PIK3C2B: variants seen among roughly 807,000 people sequenced by gnomAD.
The protein encoded by PIK3C2B is phosphatidylinositol-4-phosphate 3-kinase catalytic subunit type 2 beta.
Under a neutral mutation model 184.3 loss-of-function variants are expected in PIK3C2B, and 83 were observed. That is an observed-to-expected ratio of 0.45 (90% CI 0.38 to 0.54). The LOEUF is 0.54. Among genes scored for constraint, PIK3C2B ranks in the 20% least tolerant of loss-of-function variants. The probability of loss-of-function intolerance (pLI) is 0.00; values close to 1 mark genes in which losing one functional copy is unlikely to be tolerated. For synonymous variants in PIK3C2B, 779 were observed against 837.6 expected, an observed-to-expected ratio of 0.93 and a Z score of 1.21; for missense variants, 1,736 against 2,113.5, an observed-to-expected ratio of 0.82 and a Z score of 3.50.
rs772431109 is a variant in PIK3C2B at position 204,433,445 on chromosome 1, G to C, written c.3844-20C>G. The C allele has an allele frequency of 2.1e-6, 3 of 1,418,612 alleles. No individual in the cohort carries two copies. In the Admixed American group the frequency reaches 5.1e-5, roughly 24 times the overall value. The allele number at this position is 1,418,612 out of a possible 1,614,324, so 87.9% of individuals were successfully genotyped here. A position where few individuals can be genotyped will look rare whatever the true frequency, so the allele number is the denominator to read the frequency against. On this transcript the variant is annotated intron_variant, in intron 25 of 32. Coordinates refer to ENST00000684373, the MANE Select transcript of PIK3C2B (RefSeq NM_001377334.1). This position sits in a 1 kb window ranked among gnomAD's most constrained non-coding sequence, Gnocchi z 5.0. ...CAACATCTAGAAGGAGCAGAAAGAA[G>C]AAGAGAGGGTGCCTGTAACAACAGA...
At chr1:204,493,792 G>A (rs1402435223) in intron 1 of PIK3C2B, among the ~76,000 whole-genome samples, 1 of 152,086 alleles carries the variant, frequency 6.6e-6, no homozygotes, top group Non-Finnish European at 1.5e-5. Flanking sequence ...TCCCAGCACC[G>A]GCGAACTCAG....
At chr1:204,456,788 C>T (rs543968701) in intron 10 of PIK3C2B, among the ~76,000 whole-genome samples, 1 of 151,772 alleles carries the variant, frequency 6.6e-6, no homozygotes, top group African/African-American at 2.4e-5. Context: ...CCCAGGGACA[C>T]CAGGAGGAAT....
chr1:204,470,587 A>G (rs540762209), intron 1 of PIK3C2B, among the ~76,000 whole-genome samples: 25 of 152,374 alleles, frequency 1.6e-4, no homozygotes, highest in African/African-American at 5.0e-4. Flanking sequence ...ACCACTTTGG[A>G]AAACAGGCAG....
intron 1 of PIK3C2B, among the ~76,000 whole-genome samples, chr1:204,481,775 C>A (rs569135614): frequency 6.6e-6 from 1 of 152,314 alleles, no homozygotes; most frequent in East Asian, 1.9e-4. Context: ...CAAATGCCCC[C>A]AGGCCTTCTG....
chr1:204,430,272 C>G (rs1375537278), intron 28 of PIK3C2B, among the ~76,000 whole-genome samples: 4 of 152,144 alleles, frequency 2.6e-5, no homozygotes, highest in Admixed American at 2.6e-4. Context: ...GACAAGAAAA[C>G]CAAACAGCAG....
At position 204,454,711 on chromosome 1, in the gene PIK3C2B, T is replaced by A; in HGVS notation, c.2024A>T (p.His675Leu). 1 of 1,613,464 alleles carries A rather than the reference T, an allele frequency of 6.2e-7. No homozygotes were observed. The highest frequency in any genetic ancestry group is 8.5e-7 in the Non-Finnish European group (1 of 1,179,976). ...GAGGTGGAAGAGGTACTTGGAGAAG[T>A]GAGCTCTTCGGGTCTGCAGGGGGCT... ...LCSPLQTRRAHFSKYLFHLIV... is the reference protein window; with the variant it reads ...LCSPLQTRRALFSKYLFHLIV... Residue 675 changes from histidine (H) to leucine (L), a missense_variant, in exon 12 of 33, where the codon CAC (histidine) becomes CTC (leucine). By Grantham distance (99) the His-to-Leu change is moderately conservative. Around this residue, in one of 8 missense-constraint regions of PIK3C2B, gnomAD observed 609 missense variants for 699.2 expected, o/e 0.87. Transcript: ENST00000684373.
intron 2 of PIK3C2B, among the ~76,000 whole-genome samples, chr1:204,465,643 C>CGGAA (rs58548764): frequency 0.16 from 24,086 of 152,098 alleles, 2,293 homozygotes; most frequent in East Asian, 0.39. Flanking sequence ...TCCTGCAACA[C>CGGAA]GGGCTTTCCG....
At chr1:204,435,259 A>G (rs1196330591) in intron 23 of PIK3C2B, 2 of 152,198 alleles carry the variant, frequency 1.3e-5, no homozygotes, top group Admixed American at 1.3e-4. Flanking sequence ...CTGAGTTTAA[A>G]GCAGGAGAGG....
chr1:204,446,698 G>C (rs1313406372), intron 15 of PIK3C2B, among the ~76,000 whole-genome samples: 1 of 152,198 alleles, frequency 6.6e-6, no homozygotes, highest in Non-Finnish European at 1.5e-5. Flanking sequence ...TGGGAGAAGG[G>C]AGCTGAGGGT....
chr1:204,445,504 G>A (rs1269807201), intron 16 of PIK3C2B, among the ~76,000 whole-genome samples: 2 of 151,762 alleles, frequency 1.3e-5, no homozygotes, highest in Admixed American at 1.3e-4. Context: ...TTGGAGGCTG[G>A]GGCAGGAGGA....
At chr1:204,475,624 A>G (rs544374710) in intron 1 of PIK3C2B, among the ~76,000 whole-genome samples, 1 of 152,358 alleles carries the variant, frequency 6.6e-6, no homozygotes, top group South Asian at 2.1e-4. Context: ...GGATGGCAAG[A>G]AAACCACACA....
At chr1:204,463,400 G>C (rs1384450000) in intron 5 of PIK3C2B, among the ~76,000 whole-genome samples, 1 of 152,190 alleles carries the variant, frequency 6.6e-6, no homozygotes, top group African/African-American at 2.4e-5. Flanking sequence ...CCAGAGCCCA[G>C]GGTAGTGGAA....
At chr1:204,489,461 T>C (rs1291839520) in intron 1 of PIK3C2B, among the ~76,000 whole-genome samples, 1 of 150,498 alleles carries the variant, frequency 6.6e-6, no homozygotes, top group Non-Finnish European at 1.5e-5. Context: ...TAAGCCACTA[T>C]TCCTGGCCCC....
rs751278995 is a variant in PIK3C2B, at chr1:204,424,619, C to A, written c.*233G>T. ...AACTTAAAACTTTGCTGCAACCTCA[C>A]AGCCTCCAAGGGGCTGCTCATCACA... is the stretch of plus-strand genomic sequence containing the variant. On this transcript the variant is annotated 3_prime_UTR_variant, in exon 33 of 33. Coordinates refer to ENST00000684373, the MANE Select transcript of PIK3C2B (RefSeq NM_001377334.1). 1.4e-6 allele frequency: 1 copy of A among 691,616 alleles called. No individual in the cohort carries two copies. Among genetic ancestry groups the A allele is most frequent in the Admixed American group, 1.8e-5 (1 of 56,542 alleles). The allele number at this position is 691,616 out of a possible 1,614,324, so 42.8% of individuals were successfully genotyped here.
Position 204,424,706 on chromosome 1 carries a change from C to G in PIK3C2B, c.*146G>C, listed in dbSNP as rs969611637. ...AGAGCATGTCTTACTCTCCCTGCCT[C>G]CTACCACAGAGGCCAGAATCACCTG... On this transcript the variant is annotated 3_prime_UTR_variant, in exon 33 of 33. Transcript: ENST00000684373. The G allele has an allele frequency of 7.3e-6, 6 of 816,782 alleles. No individual in the cohort carries two copies. Among genetic ancestry groups the G allele is most frequent in the Non-Finnish European group, 1.3e-5 (6 of 463,484 alleles). The allele number at this position is 816,782 out of a possible 1,614,324, so 50.6% of individuals were successfully genotyped here.
Position 204,468,995 on chromosome 1 carries a change from A to C in PIK3C2B, c.808T>G (p.Ser270Ala), listed in dbSNP as rs201320584. 6.2e-7 allele frequency: 1 copy of C among 1,614,184 alleles called. No individual in the cohort carries two copies. The change falls in exon 2 of 33, where the codon TCT becomes GCT. Residue 270 changes from serine to alanine, a missense_variant. Physicochemically the swap from Ser to Ala is moderately conservative, Grantham distance 99. Around this residue, in one of 8 missense-constraint regions of PIK3C2B, gnomAD observed 404 missense variants for 418.0 expected, o/e 0.97. Coordinates refer to ENST00000684373, the MANE Select transcript of PIK3C2B (RefSeq NM_001377334.1). The stretch of plus-strand genomic sequence containing the variant: ...TTGCTCCTGGCCACGGGTTTTCCAG[A>C]GGTGTCTTTGCTGAAGTCCAGCGGC... ...RGPLDFSKDT[S>A]GKPVARSKTM...
At chr1:204,452,086 T>G (rs986379839) in intron 12 of PIK3C2B, among the ~76,000 whole-genome samples, 1 of 152,138 alleles carries the variant, frequency 6.6e-6, no homozygotes, top group African/African-American at 2.4e-5. Context: ...TCGGGGCTTC[T>G]GGATGGACAG....
chr1:204,456,901 CA>C (rs1467158320), intron 10 of PIK3C2B, 135 bp downstream of exon 10: 5,097 of 221,722 alleles, frequency 0.023, 174 homozygotes, highest in African/African-American at 0.12. Context: ...CACACACACA[CA>C]CACACCCACA....
chr1:204,460,732 C>T, intron 5 of PIK3C2B, 71 bp from the exon 6 acceptor site: 5 of 941,874 alleles, frequency 5.3e-6, no homozygotes, highest in Non-Finnish European at 7.0e-6. Flanking sequence ...ATACCTTAGC[C>T]TTGGGGAGAG....
Sources: gnomAD v4.1 joint callset for allele counts (sites outside exome capture counted in the v4.1 genomes callset) on GRCh38, gnomAD v4.1.1 for gene constraint, gnomAD v4.1.1 regional missense constraint, Gnocchi (gnomAD v3.1) non-coding constraint, MANE v1.5 for transcripts, NCBI Gene and HGNC (gene_info 2026-07-23, HGNC 2026-07-21) for gene names.